The following DNAH7 variants were observed in gnomAD, a reference collection of about 807,000 sequenced individuals.
DNAH7 encodes the protein axonemal beta dynein heavy chain 7.
DNAH7 carries 397 observed loss-of-function variants against 444.6 expected under a neutral mutation model. The observed-to-expected ratio is 0.89, with a 90% CI of 0.82 to 0.97. The LOEUF (loss-of-function observed/expected upper bound fraction) is 0.97, where lower values mean the gene tolerates loss of function less well. Among genes scored for constraint, DNAH7 ranks in the 50% least tolerant of loss-of-function variants. DNAH7 has a pLI of 0.00. For missense variants in DNAH7, 4,902 were observed against 4,800.8 expected (o/e 1.02, Z -0.62); for synonymous variants, 1,636 against 1,624.4 (o/e 1.01, Z -0.17).
intron 61 of DNAH7, among the ~76,000 whole-genome samples, chr2:195,763,677 G>A (rs1694446878): frequency 6.6e-6 from 1 of 151,976 alleles, no homozygotes; most frequent in Admixed American, 6.6e-5. Context: ...ATTGGACCAT[G>A]AGGATATCCA....
At chr2:195,970,613 C>T (rs553102711) in intron 16 of DNAH7, among the ~76,000 whole-genome samples, 1 of 152,144 alleles carries the variant, frequency 6.6e-6, no homozygotes, top group African/African-American at 2.4e-5. Flanking sequence ...TCACAAGAAA[C>T]ACGTAAGGTA....
chr2:196,045,290 GAAAGA>G (rs935053248), intron 5 of DNAH7, among the ~76,000 whole-genome samples: 5 of 127,920 alleles, frequency 3.9e-5, no homozygotes, highest in African/African-American at 1.8e-4. Flanking sequence ...GGAGGGAGGA[GAAAGA>G]AAAGAAAAAA....
chr2:195,829,778 A>C (rs1235314856), intron 48 of DNAH7, among the ~76,000 whole-genome samples: 1 of 152,060 alleles, frequency 6.6e-6, no homozygotes, highest in African/African-American at 2.4e-5. Flanking sequence ...TGAAACTTAA[A>C]TATTACAGAC....
In DNAH7 at chr2:195,935,346, T is replaced by A. The variant is rs115968935; in HGVS notation, c.3273-557A>T. On this transcript the variant is annotated intron_variant, in intron 20 of 64. Transcript: ENST00000312428. ...TTTTTGGCACACTACCAATAACCCGTTGCATTCATCTTTCAAATGGACAAA... is the reference window on the plus strand; with the variant it reads ...TTTTTGGCACACTACCAATAACCCGATGCATTCATCTTTCAAATGGACAAA... 3.4e-3 allele frequency among the ~76,000 whole-genome samples: 519 copies of A among 152,268 alleles called. 1 individual carries two copies. Among genetic ancestry groups the A allele is most frequent in the African/African-American group, 0.012 (503 of 41,560 alleles).
chr2:195,756,743 T>C (rs1392317933), intron 61 of DNAH7, among the ~76,000 whole-genome samples: 1 of 152,108 alleles, frequency 6.6e-6, no homozygotes, highest in Admixed American at 6.6e-5. Context: ...CCTGTAATCC[T>C]AGGACTTTGG....
intron 60 of DNAH7, among the ~76,000 whole-genome samples, chr2:195,773,486 C>T (rs1016616233): frequency 8.0e-5 from 12 of 150,866 alleles, no homozygotes; most frequent in South Asian, 2.1e-4. Context: ...AATTTAATAA[C>T]GCAAACATTC....
chr2:195,850,495 C>T (rs1303676342), intron 46 of DNAH7, among the ~76,000 whole-genome samples: 1 of 152,144 alleles, frequency 6.6e-6, no homozygotes, highest in Non-Finnish European at 1.5e-5. Flanking sequence ...GAAAATGGCA[C>T]AGGCATTGCA....
chr2:195,865,384 A>C (rs1454061116), intron 40 of DNAH7, among the ~76,000 whole-genome samples: 1 of 152,194 alleles, frequency 6.6e-6, no homozygotes, highest in Non-Finnish European at 1.5e-5. Flanking sequence ...GGGGGTACCC[A>C]ACACCTTTCC....
intron 27 of DNAH7, chr2:195,901,429 C>A (rs1406958962): frequency 6.6e-6 from 1 of 152,028 alleles, no homozygotes; most frequent in Non-Finnish European, 1.5e-5. Context: ...CTTAAAAAAT[C>A]AATTTCCTGT....
chr2:195,773,047 C>T (rs1016730499), intron 60 of DNAH7, among the ~76,000 whole-genome samples: 2 of 152,162 alleles, frequency 1.3e-5, no homozygotes, highest in African/African-American at 4.8e-5. Context: ...TCCCAAAGTG[C>T]TGGGATTATA....
At chr2:196,066,906 T>C (rs1438068535) in intron 1 of DNAH7, among the ~76,000 whole-genome samples, 2 of 152,234 alleles carry the variant, frequency 1.3e-5, no homozygotes, top group Non-Finnish European at 1.5e-5. Flanking sequence ...AAAGGAAAGC[T>C]ACACTCTAAA....
chr2:195,828,589 A>G (rs1697899758), intron 48 of DNAH7, among the ~76,000 whole-genome samples: 1 of 141,790 alleles, frequency 7.1e-6, no homozygotes, highest in Non-Finnish European at 1.5e-5. Context: ...CATCTCAAAA[A>G]TAACATATAT....
intron 2 of DNAH7, among the ~76,000 whole-genome samples, chr2:196,051,628 G>A (rs113939696): frequency 3.9e-4 from 60 of 152,114 alleles, no homozygotes; most frequent in African/African-American, 1.3e-3. Flanking sequence ...TTAGCCGGGC[G>A]TGGTGGTGGG....
chr2:195,747,063 G>C (rs556692327), intron 63 of DNAH7, among the ~76,000 whole-genome samples: 52 of 152,102 alleles, frequency 3.4e-4, no homozygotes, highest in Non-Finnish European at 6.6e-4. Context: ...CCAGGAGCTG[G>C]TTTTTTTGAA....
rs372361583 is a variant in DNAH7 at position 196,050,900 on chromosome 2, T to C, written c.141+287A>G. 2.0e-5 allele frequency among the ~76,000 whole-genome samples: 3 copies of C among 152,366 alleles called. No individual in the cohort carries two copies. The East Asian group carries it at 5.8e-4, about 29-fold the overall frequency. On this transcript the variant is annotated intron_variant, in intron 3 of 64. Transcript: ENST00000312428. Reference sequence around the variant, plus strand: ...CACAGAGCCATTAGAGGCAAAGCTTTACCCCAAGCCCTTTTTTATTTACTC... The same window carrying C: ...CACAGAGCCATTAGAGGCAAAGCTTCACCCCAAGCCCTTTTTTATTTACTC...
At chr2:195,838,831 C>A (rs757189372) in intron 47 of DNAH7, among the ~76,000 whole-genome samples, 1 of 151,812 alleles carries the variant, frequency 6.6e-6, no homozygotes, top group African/African-American at 2.4e-5. Flanking sequence ...AGAAAACCAT[C>A]AAGGATAAAG....
intron 21 of DNAH7, among the ~76,000 whole-genome samples, chr2:195,929,911 A>G (rs1688577395): frequency 6.6e-6 from 1 of 152,270 alleles, no homozygotes; most frequent in Admixed American, 6.5e-5. Flanking sequence ...ACAGCAAAAG[A>G]AACTATCAAC....
At position 195,864,459 on chromosome 2, in the gene DNAH7, G is replaced by A; in HGVS notation, c.7196C>T (p.Thr2399Ile). Residue 2399 changes from threonine (T) to isoleucine (I), a missense_variant, in exon 41 of 65, where the codon ACA becomes ATA. By Grantham distance (89) the Thr-to-Ile change is moderately conservative. Coordinates refer to ENST00000312428, the MANE Select transcript of DNAH7 (RefSeq NM_018897.3). ...AGACTCTTCTTTAATTTGAGTATCT[G>A]TAAACAGGAAGACACCCTGCATCTC... ...EGEMQGVFLF[T>I]DTQIKEESFL... is the part of the protein sequence containing the mutation. The A allele has an allele frequency of 6.2e-7, 1 of 1,614,140 alleles. No homozygotes were observed. The highest frequency in any genetic ancestry group is 8.5e-7 in the Non-Finnish European group (1 of 1,180,016).
intron 63 of DNAH7, among the ~76,000 whole-genome samples, chr2:195,743,806 C>T (rs34912599): frequency 0.47 from 72,020 of 151,976 alleles, 18,382 homozygotes; most frequent in Non-Finnish European, 0.59. Flanking sequence ...GTATATTGTG[C>T]ATTGGTAAGT....
Sources: allele counts gnomAD v4.1 joint callset (sites outside exome capture counted in the v4.1 genomes callset), GRCh38; gene constraint gnomAD v4.1.1; transcripts MANE v1.5; gene names NCBI Gene and HGNC (gene_info 2026-07-23, HGNC 2026-07-21).